Variants in LRRC7 observed in about 807,000 individuals in gnomAD.
LRRC7 encodes leucine rich repeat containing 7.
In LRRC7, 23 loss-of-function variants were observed where a neutral mutation model predicts 175.7. The observed-to-expected ratio is 0.13, with a 90% CI of 0.09 to 0.19. The LOEUF (loss-of-function observed/expected upper bound fraction) is 0.19, where lower values mean the gene tolerates loss of function less well. Ranked by LOEUF, LRRC7 falls within the 10% of genes least tolerant of loss-of-function variation. LRRC7 has a pLI of 1.00. For missense variants in LRRC7, 1,354 were observed against 1,904.7 expected, an observed-to-expected ratio of 0.71 and a Z score of 5.38; for synonymous variants, 685 against 680.9, an observed-to-expected ratio of 1.01 and a Z score of -0.09.
rs1304080818 is a variant in LRRC7, at chr1:69,608,885, TATATATATATATATACAC to T, written c.2+40246_2+40263del. On this transcript the variant is annotated intron_variant, in intron 1 of 26. Transcript: ENST00000651989. The stretch of plus-strand genomic sequence containing the variant: ...CTCTCTCTATATATATATATATATA[TATATATATATATATACAC>T]ACACACACACATATATATAAAATTA... Among the ~76,000 whole-genome samples the T allele has an allele frequency of 1.8e-3, 246 of 139,158 alleles. 3 individuals are homozygous for T. Among genetic ancestry groups the T allele is most frequent in the African/African-American group, 6.3e-3 (235 of 37,328 alleles). 91.3% of individuals were successfully genotyped at this position (139,158 alleles called of 152,430 possible). A position where few individuals can be genotyped will look rare whatever the true frequency, so the allele number is the denominator to read the frequency against.
intron 11 of LRRC7, among the ~76,000 whole-genome samples, chr1:69,995,117 A>G (rs1654807928): frequency 6.6e-6 from 1 of 152,192 alleles, no homozygotes; most frequent in African/African-American, 2.4e-5. Flanking sequence ...TGCTTTAGCT[A>G]GCATTTTTTA....
chr1:69,910,983 G>T (rs1339342385), intron 7 of LRRC7, among the ~76,000 whole-genome samples: 1 of 152,162 alleles, frequency 6.6e-6, no homozygotes. Flanking sequence ...GACTCCGTGG[G>T]CATAGGACCC....
intron 11 of LRRC7, among the ~76,000 whole-genome samples, chr1:70,000,752 A>G (rs1009774837): frequency 6.6e-6 from 1 of 152,248 alleles, no homozygotes; most frequent in Admixed American, 6.5e-5. Flanking sequence ...GAGCATTCAA[A>G]TTATCTGGGA....
At chr1:69,702,701 G>A (rs1663514162) in intron 2 of LRRC7, among the ~76,000 whole-genome samples, 1 of 152,068 alleles carries the variant, frequency 6.6e-6, no homozygotes, top group Non-Finnish European at 1.5e-5. Flanking sequence ...GTGGTAGAGA[G>A]GGGGACCTAA....
At position 69,568,437 on chromosome 1, in the gene LRRC7, C is replaced by T. The variant is rs902371082; in HGVS notation, c.-203C>T. ...CCTCTCCAGCCGTCCACCTGAAGGG[C>T]ACTGGCATCATGGTCTAACGTGGCA... On this transcript the variant is annotated 5_prime_UTR_variant, in exon 1 of 27. Coordinates refer to ENST00000651989, the MANE Select transcript of LRRC7 (RefSeq NM_001370785.2). The T allele has an allele frequency of 1.3e-5, 4 of 301,962 alleles. No homozygotes were observed. The highest frequency in any genetic ancestry group is 2.6e-5 in the Non-Finnish European group (4 of 155,112). 18.7% of individuals were successfully genotyped at this position (301,962 alleles called of 1,614,324 possible).
chr1:69,632,782 A>T (rs1193533122), intron 1 of LRRC7, among the ~76,000 whole-genome samples: 3 of 152,170 alleles, frequency 2.0e-5, no homozygotes, highest in Non-Finnish European at 4.4e-5. Flanking sequence ...TAATGACTAT[A>T]TATGGGATTA....
chr1:69,747,325 A>G (rs1169496662), intron 2 of LRRC7, among the ~76,000 whole-genome samples: 1 of 152,198 alleles, frequency 6.6e-6, no homozygotes. Flanking sequence ...GAGAAGAAAC[A>G]GGAAAACACA....
At chr1:70,012,256 T>C (rs1223015043) in intron 12 of LRRC7, among the ~76,000 whole-genome samples, 1 of 151,986 alleles carries the variant, frequency 6.6e-6, no homozygotes, top group African/African-American at 2.4e-5. Context: ...ATTACATTTA[T>C]ATTTCTGTAG....
chr1:69,793,034 C>T (rs1357635547), intron 4 of LRRC7, among the ~76,000 whole-genome samples: 1 of 152,046 alleles, frequency 6.6e-6, no homozygotes, highest in Non-Finnish European at 1.5e-5. Flanking sequence ...GTCAGTTAAA[C>T]TTCCTGTGTG....
At chr1:69,888,583 C>T (rs930512041) in intron 7 of LRRC7, among the ~76,000 whole-genome samples, 1 of 152,162 alleles carries the variant, frequency 6.6e-6, no homozygotes, top group Non-Finnish European at 1.5e-5. Context: ...TCTTCTGCGT[C>T]GCTCACGCTG....
intron 18 of LRRC7, among the ~76,000 whole-genome samples, chr1:70,033,714 T>C (rs1440932601): frequency 6.6e-6 from 1 of 152,144 alleles, no homozygotes; most frequent in East Asian, 1.9e-4. Flanking sequence ...GTATACAAGT[T>C]TGAAAGTCGA....
chr1:70,082,243 T>G (rs1489303534), intron 24 of LRRC7, among the ~76,000 whole-genome samples: 1 of 152,218 alleles, frequency 6.6e-6, no homozygotes, highest in African/African-American at 2.4e-5. Context: ...ATTATAAATT[T>G]TTTAATTAAA....
chr1:69,787,721 C>T (rs1227438143), intron 3 of LRRC7, among the ~76,000 whole-genome samples: 14 of 152,256 alleles, frequency 9.2e-5, no homozygotes, highest in African/African-American at 3.1e-4. Flanking sequence ...CCTGAAGACA[C>T]TTTCCCCATT....
At chr1:69,601,212 G>T (rs11799492) in intron 1 of LRRC7, among the ~76,000 whole-genome samples, 2 of 152,094 alleles carry the variant, frequency 1.3e-5, no homozygotes, top group Middle Eastern at 3.2e-3. Flanking sequence ...GGCCCTCTCC[G>T]CTGACAAAGC....
rs377212207 is a variant in LRRC7, at chr1:69,760,249, A to T, written c.159A>T (p.Arg53=). 18 of 1,612,682 alleles carry T rather than the reference A, an allele frequency of 1.1e-5. No homozygotes were observed. The African/African-American group carries it at 2.4e-4, about 22-fold the overall frequency. ...TCATCGGCCGTCTGGTGCCATGCCG[A>T]TGTTTCCGAGGTGAAGAAGAAATCA... ...RKIIGRLVPC[R]CFRGEEEIIS... The change falls in exon 3 of 27, where the codon CGA becomes CGT. Residue 53 remains arginine (R), a synonymous_variant. Coordinates refer to ENST00000651989, the MANE Select transcript of LRRC7 (RefSeq NM_001370785.2).
At chr1:70,018,234 A>G (rs372046681) in intron 14 of LRRC7, among the ~76,000 whole-genome samples, 1 of 152,100 alleles carries the variant, frequency 6.6e-6, no homozygotes. Context: ...ACAGTTGCTT[A>G]TCTATAAAGT....
At chr1:69,880,103 T>C (rs1432508686) in intron 7 of LRRC7, among the ~76,000 whole-genome samples, 1 of 152,216 alleles carries the variant, frequency 6.6e-6, no homozygotes, top group Non-Finnish European at 1.5e-5. Flanking sequence ...AATGTTTGCA[T>C]ACGCTGGGTA....
At chr1:70,019,826 A>C (rs1052814094) in intron 15 of LRRC7, among the ~76,000 whole-genome samples, 14 of 152,080 alleles carry the variant, frequency 9.2e-5, no homozygotes, top group Admixed American at 8.5e-4. Context: ...TTTATAAGAG[A>C]CATCTTAAGT....
At chr1:70,119,635 A>G (rs1290235145) in intron 26 of LRRC7, among the ~76,000 whole-genome samples, 2 of 139,660 alleles carry the variant, frequency 1.4e-5, no homozygotes, top group Non-Finnish European at 3.1e-5. Context: ...GCTAAGTTTT[A>G]TACCAATTTC....
Sources: gnomAD v4.1 joint callset for allele counts (sites outside exome capture counted in the v4.1 genomes callset) on GRCh38, gnomAD v4.1.1 for gene constraint, MANE v1.5 for transcripts, NCBI Gene and HGNC (gene_info 2026-07-23, HGNC 2026-07-21) for gene names.